Variants in NAALADL2 observed in about 807,000 individuals in gnomAD.
The protein encoded by NAALADL2 is N-acetylated alpha-linked acidic dipeptidase like 2, also known as inactive N-acetylated-alpha-linked acidic dipeptidase-like protein 2.
In NAALADL2, 76 loss-of-function variants were observed where a neutral mutation model predicts 87.2. The ratio of observed to expected loss-of-function variants is 0.87; its 90% CI spans 0.72 to 1.05. The LOEUF is 1.05. Ranked by LOEUF, NAALADL2 falls within the 50% of genes least tolerant of loss-of-function variation. NAALADL2 has a pLI of 0.00. For synonymous variants in NAALADL2, 354 were observed against 331.0 expected (o/e 1.07, Z -0.75); for missense variants, 1,089 against 945.8 (o/e 1.15, Z -1.99).
At chr3:175,701,115 A>G (rs1738930852) in intron 11 of NAALADL2, among the ~76,000 whole-genome samples, 1 of 152,162 alleles carries the variant, frequency 6.6e-6, no homozygotes, top group Non-Finnish European at 1.5e-5. Flanking sequence ...AAAGGCAGGC[A>G]GAAACGTGCA....
intron 1 of NAALADL2, among the ~76,000 whole-genome samples, chr3:175,084,001 G>A (rs1449710166): frequency 6.6e-6 from 1 of 152,202 alleles, no homozygotes; most frequent in Non-Finnish European, 1.5e-5. Context: ...GAAGAAGCTT[G>A]AAATCAGGGA....
chr3:175,599,845 T>A (rs1162935635), intron 10 of NAALADL2, among the ~76,000 whole-genome samples: 1 of 152,136 alleles, frequency 6.6e-6, no homozygotes, highest in Admixed American at 6.5e-5. Flanking sequence ...GTTTAAGATA[T>A]TTGCCTTCAT....
At chr3:175,401,859 T>C (rs913951535) in intron 5 of NAALADL2, among the ~76,000 whole-genome samples, 1 of 152,094 alleles carries the variant, frequency 6.6e-6, no homozygotes, top group Non-Finnish European at 1.5e-5. Flanking sequence ...TGAAGCTCCT[T>C]CCATGTAAGC....
intron 5 of NAALADL2, among the ~76,000 whole-genome samples, chr3:175,371,596 G>A (rs868823861): frequency 3.9e-5 from 6 of 151,992 alleles, no homozygotes; most frequent in East Asian, 3.9e-4. Context: ...AGGCCAAGGC[G>A]GGTGGATCAC....
chr3:175,804,598 T>A lies in NAALADL2; in HGVS notation c.*1395T>A, dbSNP rs111700670. 1 of 151,798 alleles carries A rather than the reference T, an allele frequency of 6.6e-6. No homozygotes were observed. The highest frequency in any genetic ancestry group is 6.6e-5 in the Admixed American group (1 of 15,184). The allele number at this position is 151,798 out of a possible 1,614,324, so 9.4% of individuals were successfully genotyped here. Reference sequence around the variant, plus strand: ...TAGCCTCAGAGTATTTCATATAAATTTTCTCTATCTAATTCAAACATATCT... The same window carrying A: ...TAGCCTCAGAGTATTTCATATAAATATTCTCTATCTAATTCAAACATATCT... On this transcript the variant is annotated 3_prime_UTR_variant, in exon 14 of 14. Coordinates refer to ENST00000454872, the MANE Select transcript of NAALADL2 (RefSeq NM_207015.3).
intron 1 of NAALADL2, among the ~76,000 whole-genome samples, chr3:174,950,738 T>C (rs1348581811): frequency 2.6e-5 from 4 of 152,130 alleles, no homozygotes; most frequent in Non-Finnish European, 4.4e-5. Context: ...AGTCAAACAA[T>C]TCATATTTGT....
At chr3:174,753,826 T>A (rs990024567) in intron 3 of NAALADL2, among the ~76,000 whole-genome samples, 2 of 152,170 alleles carry the variant, frequency 1.3e-5, no homozygotes, top group Non-Finnish European at 2.9e-5. Flanking sequence ...GATGAGACTT[T>A]TGGAAAGTAA....
chr3:175,609,921 T>TC (rs1724378104), intron 10 of NAALADL2, among the ~76,000 whole-genome samples: 1 of 152,104 alleles, frequency 6.6e-6, no homozygotes. Flanking sequence ...TCCTGAGCTG[T>TC]CCCACACATT....
At chr3:175,292,444 C>T (rs1755750065) in intron 4 of NAALADL2, among the ~76,000 whole-genome samples, 1 of 152,120 alleles carries the variant, frequency 6.6e-6, no homozygotes, top group Admixed American at 6.6e-5. Context: ...ATTTTGTGGG[C>T]TGCCATTTTT....
intron 9 of NAALADL2, among the ~76,000 whole-genome samples, chr3:175,497,922 T>C (rs1335408667): frequency 6.6e-6 from 1 of 152,136 alleles, no homozygotes; most frequent in Non-Finnish European, 1.5e-5. Context: ...GCACTTGATA[T>C]AGTGCCTCTC....
chr3:174,746,156 G>T (rs1378356659), intron 3 of NAALADL2, among the ~76,000 whole-genome samples: 2 of 152,126 alleles, frequency 1.3e-5, no homozygotes, highest in Non-Finnish European at 2.9e-5. Flanking sequence ...GTTTGCAGAT[G>T]ACCTTATCTT....
chr3:174,794,981 C>CT (rs772447340), intron 3 of NAALADL2, among the ~76,000 whole-genome samples: 1,529 of 66,632 alleles, frequency 0.023, 306 homozygotes, highest in African/African-American at 0.049. Context: ...TCTAGTCCAG[C>CT]TTTTTTTTTT....
chr3:175,244,916 T>C (rs1032467795), intron 3 of NAALADL2, among the ~76,000 whole-genome samples: 1 of 152,326 alleles, frequency 6.6e-6, no homozygotes, highest in East Asian at 1.9e-4. Context: ...TTGTTGTTGT[T>C]GTTGATCTCT....
At chr3:175,487,433 T>G (rs62287072) in intron 9 of NAALADL2, 40,984 of 445,496 alleles carry the variant, frequency 0.092, 2,218 homozygotes, top group South Asian at 0.12. Flanking sequence ...CTTAGTGGGT[T>G]CTAAAGTAAT....
chr3:175,225,826 C>A (rs937289473), intron 2 of NAALADL2, among the ~76,000 whole-genome samples: 2 of 151,966 alleles, frequency 1.3e-5, no homozygotes, highest in Non-Finnish European at 2.9e-5. Context: ...CTATTGTGTT[C>A]TTCTCTCTTG....
intron 3 of NAALADL2, among the ~76,000 whole-genome samples, chr3:174,749,928 G>C (rs1164609114): frequency 6.6e-6 from 1 of 152,122 alleles, no homozygotes; most frequent in African/African-American, 2.4e-5. Context: ...CAGAAATTAT[G>C]AAGTGCTATG....
intron 9 of NAALADL2, among the ~76,000 whole-genome samples, chr3:175,522,450 A>G (rs937260506): frequency 2.0e-5 from 3 of 152,190 alleles, no homozygotes. Context: ...GAGCAGTGAA[A>G]TGGCGTGCGC....
At chr3:174,545,902 T>C in intron 1 of NAALADL2, among the ~76,000 whole-genome samples, 1 of 151,074 alleles carries the variant, frequency 6.6e-6, no homozygotes, top group Middle Eastern at 3.4e-3. Context: ...TATTCTGTTT[T>C]TGTTTTATTA....
chr3:175,627,233 C>A (rs1727109964), intron 10 of NAALADL2, 58 bp from the exon 11 acceptor site: 1 of 1,356,690 alleles, frequency 7.4e-7, no homozygotes, highest in Non-Finnish European at 1.0e-6. Context: ...ATCCAATAAA[C>A]ACTTGAAAAA....
Sources: allele counts gnomAD v4.1 joint callset (sites outside exome capture counted in the v4.1 genomes callset), GRCh38; gene constraint gnomAD v4.1.1; transcripts MANE v1.5; gene names NCBI Gene and HGNC (gene_info 2026-07-23, HGNC 2026-07-21).